Variants in CNTLN observed in about 807,000 individuals in gnomAD.
CNTLN encodes centlein, also known as centlein, centrosomal protein.
In CNTLN, 212 loss-of-function variants were observed where a neutral mutation model predicts 180.0. The observed-to-expected ratio is 1.18, with a 90% CI of 1.05 to 1.32. The LOEUF (loss-of-function observed/expected upper bound fraction) is 1.32. Ranked by LOEUF, CNTLN falls within the 40% of genes most tolerant of loss-of-function variation. The pLI, the probability that CNTLN is intolerant of heterozygous loss-of-function variation, is 0.00. For synonymous variants in CNTLN, 722 were observed against 563.1 expected (o/e 1.28, Z -3.99); for missense variants, 2,095 against 1,610.9 (o/e 1.30, Z -5.14).
intron 11 of CNTLN, 92 bp from the exon 12 acceptor site, chr9:17,342,233 A>G (rs1821537797): frequency 3.9e-6 from 5 of 1,286,978 alleles, no homozygotes; most frequent in Non-Finnish European, 5.4e-6. Context: ...AATTTGGTCA[A>G]TAGATATTTT....
At chr9:17,308,208 CA>C (rs1447992025) in intron 7 of CNTLN, among the ~76,000 whole-genome samples, 17 of 151,478 alleles carry the variant, frequency 1.1e-4, no homozygotes, top group Non-Finnish European at 2.1e-4. Flanking sequence ...ACTTATATGT[CA>C]TGTTATCTCA....
At chr9:17,409,997 G>A (rs538977100) in intron 16 of CNTLN, among the ~76,000 whole-genome samples, 82 of 152,102 alleles carry the variant, frequency 5.4e-4, no homozygotes, top group African/African-American at 1.9e-3. Context: ...TTTCTATTTT[G>A]TTGTAAAAAT....
At chr9:17,275,229 A>G (rs1828236065) in intron 6 of CNTLN, among the ~76,000 whole-genome samples, 1 of 151,952 alleles carries the variant, frequency 6.6e-6, no homozygotes, top group Admixed American at 6.6e-5. Flanking sequence ...CAAGACTGCT[A>G]TTTTCATTTT....
At chr9:17,327,084 G>C (rs1394818528) in intron 8 of CNTLN, among the ~76,000 whole-genome samples, 5 of 152,056 alleles carry the variant, frequency 3.3e-5, no homozygotes, top group African/African-American at 1.2e-4. Flanking sequence ...GAGTGGGTGG[G>C]GGTAGGAGGT....
intron 1 of CNTLN, among the ~76,000 whole-genome samples, chr9:17,140,447 T>C (rs143451043): frequency 5.8e-4 from 88 of 152,264 alleles, no homozygotes; most frequent in African/African-American, 1.9e-3. Flanking sequence ...GGTTATGTTT[T>C]TTTCTTTGTT....
chr9:17,505,897 G>T (rs2754344), downstream of CNTLN, among the ~76,000 whole-genome samples: 92,285 of 151,884 alleles, frequency 0.61, 28,121 homozygotes, highest in African/African-American at 0.65. Context: ...ACACTAATCA[G>T]GAGTGTGTGG....
chr9:17,225,747 G>A (rs1191834717), intron 2 of CNTLN, among the ~76,000 whole-genome samples: 1 of 151,964 alleles, frequency 6.6e-6, no homozygotes, highest in Non-Finnish European at 1.5e-5. Flanking sequence ...AGTATTCTCA[G>A]AGACTAGAAA....
intron 2 of CNTLN, among the ~76,000 whole-genome samples, chr9:17,200,784 C>T (rs1431216106): frequency 2.6e-5 from 4 of 151,882 alleles, no homozygotes; most frequent in South Asian, 2.1e-4. Flanking sequence ...TCTGCAGAGA[C>T]AATTTGACTT....
chr9:17,326,527 A>G (rs1461491234), intron 8 of CNTLN, among the ~76,000 whole-genome samples: 1 of 152,100 alleles, frequency 6.6e-6, no homozygotes, highest in Non-Finnish European at 1.5e-5. Context: ...TTACTTATAC[A>G]TATAATAGTT....
At chr9:17,403,580 G>A (rs1387798476) in intron 15 of CNTLN, among the ~76,000 whole-genome samples, 6 of 149,896 alleles carry the variant, frequency 4.0e-5, no homozygotes. Context: ...AGTATTTTAG[G>A]TATGGTTTTG....
At chr9:17,136,905 C>T (rs1586880224) in intron 1 of CNTLN, among the ~76,000 whole-genome samples, 1 of 152,014 alleles carries the variant, frequency 6.6e-6, no homozygotes, top group Admixed American at 6.5e-5. Flanking sequence ...CTTTGATACT[C>T]TGAGTCCTAA....
intron 1 of CNTLN, among the ~76,000 whole-genome samples, chr9:17,135,784 C>T (rs1817674118): frequency 6.6e-6 from 1 of 152,222 alleles, no homozygotes. Flanking sequence ...ACATGCAGTC[C>T]ACTAGTTGAA....
intron 12 of CNTLN, among the ~76,000 whole-genome samples, chr9:17,354,125 C>T (rs571546266): frequency 3.5e-4 from 54 of 152,314 alleles, no homozygotes; most frequent in African/African-American, 1.2e-3. Flanking sequence ...AGTGCCAGCC[C>T]ACCGGCGCTG....
chr9:17,194,236 C>G (rs988525000), intron 2 of CNTLN, among the ~76,000 whole-genome samples: 5 of 152,206 alleles, frequency 3.3e-5, no homozygotes, highest in Non-Finnish European at 7.3e-5. Flanking sequence ...TTGCAAATTT[C>G]TGCAGCCAGT....
rs71303378 is a variant in CNTLN at position 17,334,910 on chromosome 9, TAA to T, written c.1644+2200_1644+2201del. ...TACATGTGCTCCCTGAATCTAAAAT[TAA>T]AAAAAAAAAAAAAAAAAAAGATTTT... On this transcript the variant is annotated intron_variant, in intron 10 of 25. Coordinates refer to ENST00000380647, the MANE Select transcript of CNTLN (RefSeq NM_017738.4). Among the ~76,000 whole-genome samples, 320 of 122,544 alleles carry T rather than the reference TAA, an allele frequency of 2.6e-3. 1 individual carries two copies. The highest frequency in any genetic ancestry group is 8.7e-3 in the African/African-American group (279 of 31,938). 80.4% of individuals were successfully genotyped at this position (122,544 alleles called of 152,430 possible). A position where few individuals can be genotyped will look rare whatever the true frequency, so the allele number is the denominator to read the frequency against.
At chr9:17,455,135 G>C (rs1036753825) in intron 18 of CNTLN, among the ~76,000 whole-genome samples, 1 of 152,086 alleles carries the variant, frequency 6.6e-6, no homozygotes, top group Non-Finnish European at 1.5e-5. Context: ...TTTTTAAACC[G>C]ACAGAAGTTA....
intron 24 of CNTLN, among the ~76,000 whole-genome samples, 197 bp from the exon 25 acceptor site, chr9:17,486,792 G>A (rs966012678): frequency 1.7e-4 from 26 of 152,056 alleles, no homozygotes; most frequent in African/African-American, 5.1e-4. Context: ...TATAAATATA[G>A]CTATATCTTC....
intron 2 of CNTLN, among the ~76,000 whole-genome samples, chr9:17,163,306 A>G (rs1480641153): frequency 6.6e-6 from 1 of 152,224 alleles, no homozygotes; most frequent in Non-Finnish European, 1.5e-5. Flanking sequence ...ATTAGATGAT[A>G]TATGAATCTA....
chr9:17,403,253 T>G (rs1827123704), intron 15 of CNTLN, among the ~76,000 whole-genome samples: 1 of 151,816 alleles, frequency 6.6e-6, no homozygotes, highest in African/African-American at 2.4e-5. Flanking sequence ...GAGGGCTTGC[T>G]TAATGGGTTC....
Sources: gnomAD v4.1 joint callset for allele counts (sites outside exome capture counted in the v4.1 genomes callset) on GRCh38, gnomAD v4.1.1 for gene constraint, MANE v1.5 for transcripts, NCBI Gene and HGNC (gene_info 2026-07-23, HGNC 2026-07-21) for gene names.